Variants in MYO3B observed in about 807,000 individuals in gnomAD.
The protein encoded by MYO3B is myosin IIIB, also known as myosin-IIIb.
MYO3B carries 156 observed loss-of-function variants against 174.6 expected under a neutral mutation model. That is an observed-to-expected ratio of 0.89 (90% confidence interval 0.78 to 1.02). The LOEUF (loss-of-function observed/expected upper bound fraction) is 1.02. Ranked by LOEUF, MYO3B falls within the 50% of genes least tolerant of loss-of-function variation. MYO3B has a pLI of 0.00. For missense variants in MYO3B, 1,632 were observed against 1,639.4 expected (o/e 1.00, Z 0.08); for synonymous variants, 563 against 569.1 (o/e 0.99, Z 0.15).
At chr2:170,533,196 C>G (rs1005859321) in intron 30 of MYO3B, among the ~76,000 whole-genome samples, 3 of 152,108 alleles carry the variant, frequency 2.0e-5, no homozygotes, top group Non-Finnish European at 2.9e-5. Flanking sequence ...GCTGACTAGT[C>G]AGCACTCACT....
At chr2:170,241,238 T>C (rs1197001210) in intron 7 of MYO3B, among the ~76,000 whole-genome samples, 1 of 152,172 alleles carries the variant, frequency 6.6e-6, no homozygotes, top group African/African-American at 2.4e-5. Context: ...GTATTTTCAA[T>C]GGTTATTTAG....
At chr2:170,366,774 A>T (rs2094201686) in intron 8 of MYO3B, among the ~76,000 whole-genome samples, 1 of 152,298 alleles carries the variant, frequency 6.6e-6, no homozygotes, top group Non-Finnish European at 1.5e-5. Context: ...AACATATCAA[A>T]TGATCTTGCG....
chr2:170,426,627 T>G (rs376251529), intron 22 of MYO3B, among the ~76,000 whole-genome samples: 14 of 152,248 alleles, frequency 9.2e-5, no homozygotes, highest in African/African-American at 3.4e-4. Flanking sequence ...TAACTTTTTC[T>G]TTTCTTTATT....
At chr2:170,235,158 G>A (rs976900795) in intron 6 of MYO3B, among the ~76,000 whole-genome samples, 7 of 152,126 alleles carry the variant, frequency 4.6e-5, no homozygotes, top group African/African-American at 1.7e-4. Flanking sequence ...CTCCCACCTG[G>A]CCATGGCCAT....
At chr2:170,426,007 T>G (rs2094657731) in intron 22 of MYO3B, among the ~76,000 whole-genome samples, 1 of 152,180 alleles carries the variant, frequency 6.6e-6, no homozygotes, top group Admixed American at 6.5e-5. Flanking sequence ...TTAAATATTT[T>G]TTGATCTGGA....
rs1268110549 is a variant in MYO3B at position 170,401,796 on chromosome 2, C to CTTTTTTTTTTTTTTTTTTTTTTTTT, written c.2129+110_2129+111insTTTTTTTTTTTTTTTTTTTTTTTTT. ...TTTGGTCCTCTCTGGGATTTTCTTT[C>CTTTTTTTTTTTTTTTTTTTTTTTTT]TTTTTCTTTTTTTTTTTTTTTGTGG... On this transcript the variant is annotated intron_variant, in intron 18 of 34. Transcript: ENST00000408978. The CTTTTTTTTTTTTTTTTTTTTTTTTT allele has an allele frequency of 5.1e-6, 4 of 791,934 alleles. No individual in the cohort carries two copies. The African/African-American group carries it at 5.6e-5, about 11-fold the overall frequency. 49.1% of individuals were successfully genotyped at this position (791,934 alleles called of 1,614,324 possible).
rs1322586538 is a variant in MYO3B at position 170,653,153 on chromosome 2, G to C, written c.*32G>C. ...CTTCCTAACCCTAAATCTGTCCAGA[G>C]TAGGAACATTCATGGTAATCGACTG... On this transcript the variant is annotated 3_prime_UTR_variant, in exon 35 of 35. Transcript: ENST00000408978. The C allele has an allele frequency of 6.2e-7, 1 of 1,613,002 alleles. No individual in the cohort carries two copies. The highest frequency in any genetic ancestry group is 8.5e-7 in the Non-Finnish European group (1 of 1,179,160).
At chr2:170,260,695 C>T (rs1009810494) in intron 7 of MYO3B, among the ~76,000 whole-genome samples, 1 of 152,180 alleles carries the variant, frequency 6.6e-6, no homozygotes, top group African/African-American at 2.4e-5. Context: ...CTCTGTCAAT[C>T]TAACATGAAA....
At chr2:170,393,773 T>C (rs542205151) in intron 16 of MYO3B, among the ~76,000 whole-genome samples, 1 of 152,268 alleles carries the variant, frequency 6.6e-6, no homozygotes, top group Admixed American at 6.5e-5. Context: ...GCTGTTAATT[T>C]TCTCTGTCAG....
chr2:170,261,657 T>C (rs2093346865), intron 7 of MYO3B, among the ~76,000 whole-genome samples: 2 of 152,226 alleles, frequency 1.3e-5, no homozygotes, highest in African/African-American at 4.8e-5. Context: ...CATCATGAAG[T>C]GTACACAGTA....
At chr2:170,261,927 G>T (rs954158587) in intron 7 of MYO3B, among the ~76,000 whole-genome samples, 2 of 152,190 alleles carry the variant, frequency 1.3e-5, no homozygotes, top group East Asian at 3.8e-4. Context: ...ATATATGTGT[G>T]TGTATATATA....
intron 32 of MYO3B, among the ~76,000 whole-genome samples, chr2:170,563,470 G>A (rs59848475): frequency 0.13 from 19,161 of 152,118 alleles, 2,339 homozygotes; most frequent in African/African-American, 0.32. Flanking sequence ...GAAGGGAGCT[G>A]GGGAATAAAA....
chr2:170,634,334 C>A (rs2105401818), intron 32 of MYO3B, among the ~76,000 whole-genome samples: 2 of 152,322 alleles, frequency 1.3e-5, no homozygotes, highest in South Asian at 4.2e-4. Flanking sequence ...ACCATCTGAT[C>A]TTTGATAAAC....
At chr2:170,518,077 T>C (rs1023802215) in intron 29 of MYO3B, among the ~76,000 whole-genome samples, 6 of 152,062 alleles carry the variant, frequency 3.9e-5, no homozygotes, top group Non-Finnish European at 8.8e-5. Flanking sequence ...GTAGCAATAA[T>C]AACAACAACA....
intron 32 of MYO3B, among the ~76,000 whole-genome samples, chr2:170,605,964 A>G (rs747934413): frequency 4.5e-4 from 69 of 152,120 alleles, no homozygotes; most frequent in Non-Finnish European, 2.5e-4. Context: ...CAGAGCATCA[A>G]CAAGTTCTGT....
intron 22 of MYO3B, among the ~76,000 whole-genome samples, chr2:170,427,294 A>G (rs1211747634): frequency 5.9e-5 from 9 of 152,188 alleles, no homozygotes; most frequent in Non-Finnish European, 1.2e-4. Flanking sequence ...CAGTAATTGC[A>G]TCGCAAGTCT....
At chr2:170,496,750 C>T (rs1686876813) in intron 25 of MYO3B, among the ~76,000 whole-genome samples, 1 of 151,848 alleles carries the variant, frequency 6.6e-6, no homozygotes, top group East Asian at 1.9e-4. Flanking sequence ...CTCAAGCCTC[C>T]CAGGTAGCTG....
intron 3 of MYO3B, among the ~76,000 whole-genome samples, chr2:170,208,167 C>T (rs927322243): frequency 1.5e-4 from 23 of 152,278 alleles, no homozygotes; most frequent in Admixed American, 1.4e-3. Flanking sequence ...CCTCTGGATC[C>T]CTCAAATCCA....
At chr2:170,558,056 C>A (rs1406577994) in intron 32 of MYO3B, among the ~76,000 whole-genome samples, 1 of 152,152 alleles carries the variant, frequency 6.6e-6, no homozygotes, top group Non-Finnish European at 1.5e-5. Context: ...AATCCCAACA[C>A]TTTGGGAGAC....
Sources: gnomAD v4.1 joint callset for allele counts (sites outside exome capture counted in the v4.1 genomes callset) on GRCh38, gnomAD v4.1.1 for gene constraint, MANE v1.5 for transcripts, NCBI Gene and HGNC (gene_info 2026-07-23, HGNC 2026-07-21) for gene names.